The following PDGFC variants were observed in gnomAD, a reference collection of about 807,000 sequenced individuals.
The protein encoded by PDGFC is platelet-derived growth factor C.
In PDGFC, 12 loss-of-function variants were observed where a neutral mutation model predicts 35.5. The observed-to-expected ratio is 0.34, with a 90% confidence interval of 0.22 to 0.55. The LOEUF (loss-of-function observed/expected upper bound fraction) is 0.55, where lower values mean the gene tolerates loss of function less well. PDGFC is among the 20% of genes least tolerant of loss of function. The pLI is 0.91. For missense variants in PDGFC, 322 were observed against 412.4 expected, an observed-to-expected ratio of 0.78 and a Z score of 1.90; for synonymous variants, 159 against 148.8, an observed-to-expected ratio of 1.07 and a Z score of -0.50.
chr4:156,960,362 G>C (rs929059435), intron 1 of PDGFC, among the ~76,000 whole-genome samples: 6 of 150,136 alleles, frequency 4.0e-5, no homozygotes, highest in African/African-American at 1.2e-4. Flanking sequence ...TATTTCTGGA[G>C]CTCTACATGA....
chr4:156,927,056 A>C (rs1046796636), intron 1 of PDGFC, among the ~76,000 whole-genome samples: 5 of 152,140 alleles, frequency 3.3e-5, no homozygotes, highest in Non-Finnish European at 7.3e-5. Flanking sequence ...GCAGGCACAA[A>C]ACCATGTGGA....
chr4:156,851,600 C>T (rs1439978885), intron 1 of PDGFC, among the ~76,000 whole-genome samples: 1 of 151,898 alleles, frequency 6.6e-6, no homozygotes, highest in Admixed American at 6.6e-5. Flanking sequence ...AGTCATTGAA[C>T]CACTCCAAAA....
intron 3 of PDGFC, among the ~76,000 whole-genome samples, chr4:156,785,668 T>C (rs1458889833): frequency 6.6e-6 from 1 of 152,186 alleles, no homozygotes; most frequent in African/African-American, 2.4e-5. Context: ...GATGACCGAC[T>C]CTTCAAAGTG....
At chr4:156,938,178 TA>T (rs1731727513) in intron 1 of PDGFC, among the ~76,000 whole-genome samples, 1 of 151,976 alleles carries the variant, frequency 6.6e-6, no homozygotes, top group Non-Finnish European at 1.5e-5. Context: ...GGAAAAAAGG[TA>T]AAATTTTGAT....
chr4:156,841,795 C>T (rs1729212291), intron 2 of PDGFC, among the ~76,000 whole-genome samples: 1 of 152,078 alleles, frequency 6.6e-6, no homozygotes, highest in Non-Finnish European at 1.5e-5. Context: ...CATGAGCCAC[C>T]ACACCTGGCC....
At chr4:156,805,958 G>A (rs979365997) in intron 3 of PDGFC, among the ~76,000 whole-genome samples, 8 of 152,006 alleles carry the variant, frequency 5.3e-5, no homozygotes, top group Middle Eastern at 3.4e-3. Context: ...TGGCCAGTAC[G>A]CCGTCTGAAC....
intron 2 of PDGFC, among the ~76,000 whole-genome samples, chr4:156,816,457 T>C (rs187202492): frequency 4.5e-4 from 68 of 152,264 alleles, no homozygotes; most frequent in Middle Eastern, 3.4e-3. Flanking sequence ...ATGCTTTAAA[T>C]TATAATAAAA....
intron 3 of PDGFC, among the ~76,000 whole-genome samples, chr4:156,794,218 G>T (rs989012075): frequency 1.3e-5 from 2 of 152,122 alleles, no homozygotes; most frequent in African/African-American, 2.4e-5. Flanking sequence ...CAGCTTAGCT[G>T]CTTACAGCTT....
At chr4:156,827,213 T>G (rs567629602) in intron 2 of PDGFC, among the ~76,000 whole-genome samples, 3 of 152,008 alleles carry the variant, frequency 2.0e-5, no homozygotes, top group Non-Finnish European at 2.9e-5. Context: ...GTCAGGAGAT[T>G]GAGACCATCC....
chr4:156,904,152 A>T (rs1730858855), intron 1 of PDGFC, among the ~76,000 whole-genome samples: 1 of 152,114 alleles, frequency 6.6e-6, no homozygotes, highest in Non-Finnish European at 1.5e-5. Flanking sequence ...GGATGAGGGA[A>T]ATAAGGCAAT....
At chr4:156,782,306 A>C (rs934776823) in intron 3 of PDGFC, among the ~76,000 whole-genome samples, 1 of 152,308 alleles carries the variant, frequency 6.6e-6, no homozygotes, top group Non-Finnish European at 1.5e-5. Context: ...TGCCTATAAA[A>C]TCTTTATATG....
At chr4:156,899,388 C>T (rs750374760) in intron 1 of PDGFC, among the ~76,000 whole-genome samples, 11 of 152,312 alleles carry the variant, frequency 7.2e-5, no homozygotes, top group South Asian at 6.2e-4. Context: ...TAAGGGATGA[C>T]GATATTGCCT....
At chr4:156,951,617 C>A (rs2110939332) in intron 1 of PDGFC, among the ~76,000 whole-genome samples, 1 of 151,388 alleles carries the variant, frequency 6.6e-6, no homozygotes, top group African/African-American at 2.4e-5. Flanking sequence ...GAAAAGAGGG[C>A]ATCCTCTGTC....
chr4:156,955,195 C>G (rs111354134), intron 1 of PDGFC, among the ~76,000 whole-genome samples: 1 of 152,068 alleles, frequency 6.6e-6, no homozygotes, highest in African/African-American at 2.4e-5. Flanking sequence ...TGGTTCCCTT[C>G]CATTCCACAC....
intron 1 of PDGFC, among the ~76,000 whole-genome samples, chr4:156,968,070 G>A (rs1055548424): frequency 2.6e-5 from 4 of 152,144 alleles, no homozygotes; most frequent in Non-Finnish European, 5.9e-5. Context: ...TCTGAACCAT[G>A]TCCACATGAT....
chr4:156,804,009 G>A (rs951950725), intron 3 of PDGFC, among the ~76,000 whole-genome samples: 4 of 152,160 alleles, frequency 2.6e-5, no homozygotes, highest in Admixed American at 2.0e-4. Flanking sequence ...GCTTGGAAGA[G>A]TTGGTACAAT....
At position 156,969,221 on chromosome 4, in the gene PDGFC, G is replaced by A. The variant is rs533275554; in HGVS notation, c.118+1565C>T. ...TAGTAAGAAGCAATATTTTGAACTG[G>A]ACATTTATTTTACATGAGAAAGAAC... On this transcript the variant is annotated intron_variant, in intron 1 of 5. Transcript: ENST00000502773. Among the ~76,000 whole-genome samples, 9 of 152,334 alleles carry A rather than the reference G, an allele frequency of 5.9e-5. No homozygotes were observed. The East Asian group carries it at 1.2e-3, about 20-fold the overall frequency.
At chr4:156,945,996 TATC>T (rs1405265467) in intron 1 of PDGFC, among the ~76,000 whole-genome samples, 1 of 152,096 alleles carries the variant, frequency 6.6e-6, no homozygotes, top group Non-Finnish European at 1.5e-5. Context: ...TGGCAATAGT[TATC>T]ATGCCAACAA....
intron 1 of PDGFC, among the ~76,000 whole-genome samples, chr4:156,920,039 C>A (rs1731237111): frequency 6.6e-6 from 1 of 152,088 alleles, no homozygotes. Context: ...CCATCTTGCT[C>A]CCCTCTCCCC....
Sources: allele counts gnomAD v4.1 joint callset (sites outside exome capture counted in the v4.1 genomes callset), GRCh38; gene constraint gnomAD v4.1.1; transcripts MANE v1.5; gene names NCBI Gene and HGNC (gene_info 2026-07-23, HGNC 2026-07-21).